The following MAN2A1 variants were observed in gnomAD, a reference collection of about 807,000 sequenced individuals.
MAN2A1 encodes alpha-mannosidase 2.
A neutral mutation model predicts 142.6 loss-of-function variants in MAN2A1; 76 were observed. The observed-to-expected ratio is 0.53, with a 90% confidence interval of 0.44 to 0.65. The LOEUF (loss-of-function observed/expected upper bound fraction) is 0.65. MAN2A1 is among the 30% of genes least tolerant of loss of function. MAN2A1 has a pLI of 0.00. For synonymous variants in MAN2A1, 559 were observed against 473.2 expected (o/e 1.18, Z -2.35); for missense variants, 1,311 against 1,365.1 (o/e 0.96, Z 0.62).
intron 21 of MAN2A1, 108 bp downstream of exon 21, chr5:109,865,254 G>T: frequency 1.3e-6 from 1 of 783,012 alleles, no homozygotes; most frequent in Non-Finnish European, 2.1e-6. Flanking sequence ...TACTGTCTCA[G>T]TTTCATCAGT....
At chr5:109,760,452 ATG>A (rs1365857511) in intron 5 of MAN2A1, among the ~76,000 whole-genome samples, 11 of 152,162 alleles carry the variant, frequency 7.2e-5, no homozygotes, top group African/African-American at 2.7e-4. Context: ...ATACATGTGC[ATG>A]TGTCTTTATG....
At chr5:109,763,062 C>T (rs954894791) in intron 5 of MAN2A1, among the ~76,000 whole-genome samples, 2 of 152,192 alleles carry the variant, frequency 1.3e-5, no homozygotes, top group Non-Finnish European at 2.9e-5. Flanking sequence ...CATGCTGGCT[C>T]AAGTAGACCA....
At chr5:109,690,677 C>A (rs1454997936) in intron 1 of MAN2A1, 125 bp downstream of exon 1, 2 of 1,060,814 alleles carry the variant, frequency 1.9e-6, no homozygotes, top group Non-Finnish European at 2.7e-6. Context: ...AGGCCAGGGG[C>A]TCTGTAGCTC....
At chr5:109,847,884 C>A in intron 19 of MAN2A1, 94 bp downstream of exon 19, 1 of 946,332 alleles carries the variant, frequency 1.1e-6, no homozygotes, top group Non-Finnish European at 1.4e-6. Context: ...TTTTAAAAAT[C>A]ATTTCCAATA....
chr5:109,825,459 A>C (rs1342198970), intron 16 of MAN2A1, among the ~76,000 whole-genome samples: 1 of 152,176 alleles, frequency 6.6e-6, no homozygotes, highest in East Asian at 1.9e-4. Context: ...TCAATCAGGT[A>C]TATTTGCATA....
intron 1 of MAN2A1, among the ~76,000 whole-genome samples, chr5:109,703,590 C>T (rs1416841028): frequency 6.6e-6 from 1 of 151,818 alleles, no homozygotes; most frequent in Admixed American, 6.6e-5. Flanking sequence ...GAAGTAAAGT[C>T]GGTGTGGTTT....
intron 5 of MAN2A1, among the ~76,000 whole-genome samples, chr5:109,764,843 T>A (rs958860125): frequency 2.6e-5 from 4 of 152,326 alleles, no homozygotes; most frequent in South Asian, 2.1e-4. Flanking sequence ...ACTCCTTTTT[T>A]AATTTTATAA....
At chr5:109,824,240 C>CT (rs1254749585) in intron 16 of MAN2A1, among the ~76,000 whole-genome samples, 2 of 152,172 alleles carry the variant, frequency 1.3e-5, no homozygotes, top group Non-Finnish European at 1.5e-5. Context: ...TGGAATGTAA[C>CT]TTTAAGAGAA....
At chr5:109,727,191 A>G (rs541775349) in intron 3 of MAN2A1, among the ~76,000 whole-genome samples, 26 of 152,220 alleles carry the variant, frequency 1.7e-4, no homozygotes, top group Non-Finnish European at 3.4e-4. Flanking sequence ...ATAGCAAAGT[A>G]CCAGACTAAG....
At chr5:109,704,991 C>A (rs1751090114) in intron 1 of MAN2A1, among the ~76,000 whole-genome samples, 1 of 152,152 alleles carries the variant, frequency 6.6e-6, no homozygotes, top group African/African-American at 2.4e-5. Context: ...TTCACTGACA[C>A]CACCATTCAG....
chr5:109,709,297 A>T (rs1377104545), intron 1 of MAN2A1, among the ~76,000 whole-genome samples: 1 of 152,230 alleles, frequency 6.6e-6, no homozygotes, highest in African/African-American at 2.4e-5. Context: ...GATCTAATAG[A>T]ACATGTTACA....
chr5:109,696,474 T>G (rs1391225678), intron 1 of MAN2A1, among the ~76,000 whole-genome samples: 5 of 152,216 alleles, frequency 3.3e-5, no homozygotes, highest in Admixed American at 3.3e-4. Context: ...AGTACTTTAG[T>G]TTAAAACTGG....
intron 3 of MAN2A1, among the ~76,000 whole-genome samples, chr5:109,717,144 C>T (rs1315001080): frequency 6.6e-6 from 1 of 151,642 alleles, no homozygotes; most frequent in East Asian, 1.9e-4. Context: ...TTCTTAATAT[C>T]TCGATTTCAT....
chr5:109,854,959 C>G, intron 19 of MAN2A1, 181 bp from the exon 20 acceptor site: 1 of 416,066 alleles, frequency 2.4e-6, no homozygotes, highest in Admixed American at 4.3e-5. Flanking sequence ...TGTTTATTTT[C>G]TTTTATTGCT....
chr5:109,772,436 C>T (rs981223608), intron 7 of MAN2A1, among the ~76,000 whole-genome samples: 5 of 152,180 alleles, frequency 3.3e-5, no homozygotes, highest in Non-Finnish European at 5.9e-5. Flanking sequence ...ACCTCAGATC[C>T]ATATATCACC....
chr5:109,742,436 C>T (rs1211534023), intron 4 of MAN2A1, among the ~76,000 whole-genome samples: 1 of 152,138 alleles, frequency 6.6e-6, no homozygotes, highest in Non-Finnish European at 1.5e-5. Context: ...AATCTTTGTA[C>T]TATCTTCTTA....
intron 16 of MAN2A1, among the ~76,000 whole-genome samples, chr5:109,824,180 A>G (rs564084678): frequency 2.6e-5 from 4 of 152,244 alleles, no homozygotes; most frequent in African/African-American, 9.6e-5. Flanking sequence ...TTCAGTTAAT[A>G]GACCACACAC....
chr5:109,864,084 G>GT (rs1254340128), intron 20 of MAN2A1: 13 of 152,202 alleles, frequency 8.5e-5, no homozygotes, highest in African/African-American at 3.1e-4. Flanking sequence ...TTATCCCCTA[G>GT]TGAGGATGAT....
intron 13 of MAN2A1, 27 bp from the exon 14 acceptor site, chr5:109,819,642 A>G: frequency 7.3e-7 from 1 of 1,369,320 alleles, no homozygotes; most frequent in Non-Finnish European, 1.0e-6. Context: ...TTTATCTTTA[A>G]TAAATTCCCT....
Sources: gnomAD v4.1 joint callset for allele counts (sites outside exome capture counted in the v4.1 genomes callset) on GRCh38, gnomAD v4.1.1 for gene constraint, MANE v1.5 for transcripts, NCBI Gene and HGNC (gene_info 2026-07-23, HGNC 2026-07-21) for gene names.